Variants in FYN observed in about 807,000 individuals in gnomAD.
FYN encodes the protein FYN proto-oncogene, Src family tyrosine kinase.
A neutral mutation model predicts 70.2 loss-of-function variants in FYN; 10 were observed. The observed-to-expected ratio is 0.14, with a 90% CI of 0.09 to 0.24. FYN has a LOEUF of 0.24. Among genes scored for constraint, FYN ranks in the 10% least tolerant of loss-of-function variants. FYN has a pLI of 1.00. For synonymous variants in FYN, 236 were observed against 248.6 expected (o/e 0.95, Z 0.48); for missense variants, 319 against 673.1 (o/e 0.47, Z 5.82).
chr6:111,662,506 G>A (rs1232465568), intron 13 of FYN, among the ~76,000 whole-genome samples: 5 of 152,160 alleles, frequency 3.3e-5, no homozygotes, highest in African/African-American at 7.2e-5. Context: ...TCTATATTAT[G>A]TATGGGGTGG....
At chr6:111,841,778 A>ATT (rs80041109) in intron 2 of FYN, among the ~76,000 whole-genome samples, 2 of 140,858 alleles carry the variant, frequency 1.4e-5, no homozygotes, top group East Asian at 4.1e-4. Flanking sequence ...AGGAAGAGGG[A>ATT]TTTTTTTTTT....
At chr6:111,808,721 A>T (rs1406336004) in intron 2 of FYN, among the ~76,000 whole-genome samples, 1 of 152,188 alleles carries the variant, frequency 6.6e-6, no homozygotes, top group Non-Finnish European at 1.5e-5. Flanking sequence ...GGGAGTGTCA[A>T]ACCCTCACCA....
intron 2 of FYN, among the ~76,000 whole-genome samples, chr6:111,825,756 T>G (rs1246235854): frequency 2.0e-5 from 3 of 151,876 alleles, no homozygotes; most frequent in Non-Finnish European, 4.4e-5. Flanking sequence ...GGGCCACAGT[T>G]AGGAAAGGCT....
intron 3 of FYN, among the ~76,000 whole-genome samples, chr6:111,740,110 C>G (rs1171864907): frequency 6.6e-6 from 1 of 152,086 alleles, no homozygotes; most frequent in Admixed American, 6.5e-5. Context: ...ACTTTGGCCC[C>G]TATCTAGTAA....
chr6:111,679,354 C>T (rs1012259569), intron 12 of FYN, among the ~76,000 whole-genome samples: 7 of 152,124 alleles, frequency 4.6e-5, no homozygotes, highest in Non-Finnish European at 8.8e-5. Context: ...GTAAATATTG[C>T]CTAACGAAGC....
intron 2 of FYN, among the ~76,000 whole-genome samples, chr6:111,817,269 A>AG (rs1175005949): frequency 6.6e-6 from 1 of 152,072 alleles, no homozygotes; most frequent in Non-Finnish European, 1.5e-5. Context: ...TATTTGGTTG[A>AG]GGGAAGTCCT....
intron 3 of FYN, among the ~76,000 whole-genome samples, chr6:111,771,732 C>A (rs79535927): frequency 0.015 from 2,258 of 152,280 alleles, 51 homozygotes; most frequent in African/African-American, 0.05. Flanking sequence ...AATTAGTCAC[C>A]GCCATTGAAA....
At chr6:111,725,555 G>A (rs1056621158) in intron 3 of FYN, among the ~76,000 whole-genome samples, 5 of 152,182 alleles carry the variant, frequency 3.3e-5, no homozygotes, top group Non-Finnish European at 5.9e-5. Context: ...ATTTCCCAAG[G>A]TACTGAAGCA....
intron 1 of FYN, among the ~76,000 whole-genome samples, chr6:111,851,401 A>G (rs1773682383): frequency 6.6e-6 from 1 of 152,230 alleles, no homozygotes; most frequent in Non-Finnish European, 1.5e-5. Flanking sequence ...GTATGAACAT[A>G]CAAATTTCCA....
At chr6:111,679,705 T>C (rs1583297380) in intron 12 of FYN, among the ~76,000 whole-genome samples, 1 of 152,070 alleles carries the variant, frequency 6.6e-6, no homozygotes, top group South Asian at 2.1e-4. Context: ...GAATTGCCAA[T>C]TGAAATAGAA....
chr6:111,682,284 G>A (rs1050199232), intron 12 of FYN, among the ~76,000 whole-genome samples: 2 of 151,976 alleles, frequency 1.3e-5, no homozygotes, highest in South Asian at 2.1e-4. Flanking sequence ...CCTTTCATAC[G>A]ACAGCACAGC....
At chr6:111,775,737 G>T (rs1770908118) in intron 3 of FYN, among the ~76,000 whole-genome samples, 1 of 152,128 alleles carries the variant, frequency 6.6e-6, no homozygotes, top group Non-Finnish European at 1.5e-5. Context: ...CCCACCACAG[G>T]GATTCTGTCT....
Position 111,665,788 on chromosome 6 carries a change from AT to A in FYN, c.1406-3842del, listed in dbSNP as rs372347755. 6.2e-3 allele frequency among the ~76,000 whole-genome samples: 919 copies of A among 149,058 alleles called. 6 individuals are homozygous for A. Among genetic ancestry groups the A allele is most frequent in the Non-Finnish European group, 0.011 (730 of 67,272 alleles). On this transcript the variant is annotated intron_variant, in intron 13 of 13. Transcript: ENST00000354650. The stretch of plus-strand genomic sequence containing the variant: ...AGGTGCATGCCACTACACCTGGCTA[AT>A]TTTTTATATTTTTAGTAGAGACAGG...
At chr6:111,753,858 C>A (rs9374285) in intron 3 of FYN, among the ~76,000 whole-genome samples, 1 of 151,852 alleles carries the variant, frequency 6.6e-6, no homozygotes, top group Non-Finnish European at 1.5e-5. Flanking sequence ...CTGAGAAACA[C>A]AGGTGCTTTT....
intron 4 of FYN, 66 bp downstream of exon 4, chr6:111,719,739 G>A (rs888535023): frequency 1.3e-6 from 2 of 1,559,812 alleles, no homozygotes; most frequent in African/African-American, 2.7e-5. Context: ...GAACCCAGAT[G>A]TTCAATTGCC....
At chr6:111,734,042 G>A (rs529635597) in intron 3 of FYN, among the ~76,000 whole-genome samples, 4 of 152,214 alleles carry the variant, frequency 2.6e-5, no homozygotes, top group East Asian at 1.9e-4. Flanking sequence ...AGCCATGTTC[G>A]TGCTACTACA....
intron 2 of FYN, among the ~76,000 whole-genome samples, chr6:111,830,980 G>A (rs1772999035): frequency 2.0e-5 from 3 of 151,986 alleles, no homozygotes; most frequent in Non-Finnish European, 1.5e-5. Flanking sequence ...AACAGAAGGG[G>A]GGCTATTTGT....
chr6:111,773,627 A>AAGAGGGGGAGGGAAAGAGGGGGGAG (rs1803585635), intron 3 of FYN, among the ~76,000 whole-genome samples: 1 of 13,998 alleles, frequency 7.1e-5, no homozygotes, highest in African/African-American at 5.0e-4. Context: ...AGAGGGGGAA[A>AAGAGGGGGAGGGAAAGAGGGGGGAG]GGAGAGGGGG....
chr6:111,674,012 T>G (rs1423254045), intron 13 of FYN, among the ~76,000 whole-genome samples: 1 of 152,210 alleles, frequency 6.6e-6, no homozygotes, highest in Non-Finnish European at 1.5e-5. Flanking sequence ...CTCTGCTCTC[T>G]TTGGCCATCT....
Sources: gnomAD v4.1 joint callset for allele counts (sites outside exome capture counted in the v4.1 genomes callset) on GRCh38, gnomAD v4.1.1 for gene constraint, MANE v1.5 for transcripts, NCBI Gene and HGNC (gene_info 2026-07-23, HGNC 2026-07-21) for gene names.